The following RBFOX1 variants were observed in gnomAD, a reference collection of about 807,000 sequenced individuals.
RBFOX1 encodes RNA binding protein fox-1 homolog 1.
A neutral mutation model predicts 57.7 loss-of-function variants in RBFOX1; 8 were observed. The observed-to-expected ratio is 0.14, with a 90% CI of 0.08 to 0.25. RBFOX1 has a LOEUF of 0.25. Among genes scored for constraint, RBFOX1 ranks in the 10% least tolerant of loss-of-function variants. RBFOX1 has a pLI of 1.00. For synonymous variants in RBFOX1, 326 were observed against 222.4 expected, an observed-to-expected ratio of 1.47 and a Z score of -4.15; for missense variants, 611 against 548.5, an observed-to-expected ratio of 1.11 and a Z score of -1.14.
intron 2 of RBFOX1, among the ~76,000 whole-genome samples, chr16:6,407,430 A>C (rs952677269): frequency 6.6e-6 from 1 of 151,948 alleles, no homozygotes; most frequent in Admixed American, 6.6e-5. Context: ...CTTATATACT[A>C]TCTCTATATT....
At chr16:6,127,670 T>C in intron 1 of RBFOX1, among the ~76,000 whole-genome samples, 1 of 152,194 alleles carries the variant, frequency 6.6e-6, no homozygotes, top group Middle Eastern at 3.2e-3. Context: ...TTTATGGCTT[T>C]GTTCACATCA....
intron 3 of RBFOX1, among the ~76,000 whole-genome samples, chr16:7,005,827 G>T (rs11639589): frequency 0.12 from 18,148 of 152,150 alleles, 1,130 homozygotes; most frequent in East Asian, 0.18. Context: ...AGTGACTGCT[G>T]CTTCTTCACC....
At chr16:7,050,585 G>A (rs560489036) in intron 3 of RBFOX1, among the ~76,000 whole-genome samples, 1 of 151,962 alleles carries the variant, frequency 6.6e-6, no homozygotes, top group South Asian at 2.1e-4. Context: ...TTTCTTTAAT[G>A]ATCTGTTTCA....
chr16:7,080,782 A>G (rs1483491848), intron 4 of RBFOX1, among the ~76,000 whole-genome samples: 2 of 152,118 alleles, frequency 1.3e-5, no homozygotes, highest in African/African-American at 4.8e-5. Flanking sequence ...ATCATCATTC[A>G]TTGCGTGGAA....
chr16:7,628,066 G>A (rs932907661), intron 10 of RBFOX1, among the ~76,000 whole-genome samples: 2 of 152,050 alleles, frequency 1.3e-5, no homozygotes, highest in African/African-American at 2.4e-5. Context: ...GTGTCCCAGT[G>A]GAATTCTATA....
intron 1 of RBFOX1, among the ~76,000 whole-genome samples, chr16:5,357,824 C>A (rs535970759): frequency 2.4e-4 from 37 of 152,284 alleles, no homozygotes; most frequent in African/African-American, 8.9e-4. Flanking sequence ...GCTTATTTAT[C>A]TGTGTGTAAT....
At chr16:5,292,848 C>A (rs1040938539) in intron 1 of RBFOX1, among the ~76,000 whole-genome samples, 1 of 152,012 alleles carries the variant, frequency 6.6e-6, no homozygotes, top group Non-Finnish European at 1.5e-5. Context: ...TGGTCTTGAT[C>A]TCCTGACCTC....
At chr16:6,955,057 C>A (rs1008147266) in intron 3 of RBFOX1, among the ~76,000 whole-genome samples, 1 of 136,884 alleles carries the variant, frequency 7.3e-6, no homozygotes, top group African/African-American at 2.8e-5. Flanking sequence ...ACTGGGAAAC[C>A]CCATCTCTAC....
At chr16:6,903,646 A>T (rs929202009) in intron 3 of RBFOX1, among the ~76,000 whole-genome samples, 2 of 152,114 alleles carry the variant, frequency 1.3e-5, no homozygotes, top group African/African-American at 2.4e-5. Flanking sequence ...TGTCCTTTGG[A>T]TAAGCAGGTG....
intron 4 of RBFOX1, among the ~76,000 whole-genome samples, chr16:7,246,908 C>T (rs896529690): frequency 3.3e-5 from 5 of 152,132 alleles, no homozygotes; most frequent in African/African-American, 9.7e-5. Context: ...TACAACCTCC[C>T]TAAACCTCAA....
At chr16:6,887,634 G>A (rs1038965823) in intron 3 of RBFOX1, among the ~76,000 whole-genome samples, 3 of 151,044 alleles carry the variant, frequency 2.0e-5, no homozygotes, top group Admixed American at 1.3e-4. Context: ...AGTTTTAGAA[G>A]GGTTTGGTTG....
chr16:7,084,990 C>A (rs749530663), intron 4 of RBFOX1, among the ~76,000 whole-genome samples: 14 of 152,182 alleles, frequency 9.2e-5, no homozygotes, highest in Non-Finnish European at 1.8e-4. Flanking sequence ...ATCCGTCCAT[C>A]CATCCATGCA....
intron 1 of RBFOX1, among the ~76,000 whole-genome samples, chr16:5,455,592 T>G (rs944969524): frequency 1.2e-4 from 18 of 152,156 alleles, no homozygotes. Context: ...TTTTCTCCCT[T>G]AGGTTTCTAT....
chr16:7,573,261 C>CA (rs1255793695), intron 5 of RBFOX1, among the ~76,000 whole-genome samples: 2 of 151,964 alleles, frequency 1.3e-5, no homozygotes, highest in Non-Finnish European at 2.9e-5. Context: ...GCAAAGAGGC[C>CA]AACAAGCGAC....
At position 5,575,345 on chromosome 16, in the gene RBFOX1, C is replaced by T. The variant is rs762491430; in HGVS notation, c.259-23557C>T. The stretch of plus-strand genomic sequence containing the variant: ...ATCTTCATTAGCGTCATCATCACTG[C>T]CATCACGGCTCAGCCATCATTGAGT... On this transcript the variant is annotated intron_variant, in intron 2 of 2. Coordinates refer to the RBFOX1 transcript ENST00000585867. Among the ~76,000 whole-genome samples the T allele has an allele frequency of 3.6e-4, 55 of 152,168 alleles. 2 individuals carry two copies. Among genetic ancestry groups the T allele is most frequent in the Admixed American group, 6.5e-5 (1 of 15,272 alleles).
At chr16:7,567,420 C>CCTATGTATGGCCCTGTATATATATATCG in intron 5 of RBFOX1, among the ~76,000 whole-genome samples, 2 of 69,918 alleles carry the variant, frequency 2.9e-5, no homozygotes, top group South Asian at 9.3e-4. Flanking sequence ...TATATATATC[C>CCTATGTATGGCCCTGTATATATATATCG]CTATGTATGG....
At chr16:6,369,864 G>A (rs2090171779) in intron 2 of RBFOX1, among the ~76,000 whole-genome samples, 1 of 152,078 alleles carries the variant, frequency 6.6e-6, no homozygotes, top group African/African-American at 2.4e-5. Flanking sequence ...TAACACACTG[G>A]TATAGTCCTC....
intron 3 of RBFOX1, among the ~76,000 whole-genome samples, chr16:5,614,183 C>G (rs1041224824): frequency 2.0e-5 from 3 of 152,178 alleles, no homozygotes; most frequent in African/African-American, 4.8e-5. Flanking sequence ...TGTCCTGTCA[C>G]GTACAGCCTG....
At chr16:5,876,249 C>T (rs1263617889) in intron 4 of RBFOX1, among the ~76,000 whole-genome samples, 2 of 152,152 alleles carry the variant, frequency 1.3e-5, no homozygotes, top group Non-Finnish European at 2.9e-5. Context: ...CCAGCCAGGC[C>T]ACTCTGCAAG....
Sources: gnomAD v4.1 joint callset for allele counts (sites outside exome capture counted in the v4.1 genomes callset) on GRCh38, gnomAD v4.1.1 for gene constraint, MANE v1.5 for transcripts, NCBI Gene and HGNC (gene_info 2026-07-23, HGNC 2026-07-21) for gene names.